The following CTNNA2 variants were observed in gnomAD, a reference collection of about 807,000 sequenced individuals.
CTNNA2 encodes the protein catenin alpha 2.
CTNNA2 carries 42 observed loss-of-function variants against 101.0 expected under a neutral mutation model. The ratio of observed to expected loss-of-function variants is 0.42; its 90% CI spans 0.32 to 0.54. The LOEUF is 0.54. CTNNA2 is among the 20% of genes least tolerant of loss of function. The probability of loss-of-function intolerance (pLI) is 0.14; values close to 1 mark genes in which losing one functional copy is unlikely to be tolerated. For missense variants in CTNNA2, 871 were observed against 1,223.1 expected (o/e 0.71, Z 4.29); for synonymous variants, 450 against 456.4 (o/e 0.99, Z 0.18).
intron 7 of CTNNA2, chr2:80,028,016 A>G (rs1695047747): frequency 6.6e-6 from 1 of 151,754 alleles, no homozygotes; most frequent in African/African-American, 2.4e-5. Flanking sequence ...AAGAAATAAA[A>G]GAAATACAGA....
intron 15 of CTNNA2, among the ~76,000 whole-genome samples, chr2:80,592,400 A>C (rs1696589193): frequency 6.6e-6 from 1 of 152,124 alleles, no homozygotes; most frequent in Non-Finnish European, 1.5e-5. Context: ...ACAAAATAAA[A>C]ATCCTTGTGT....
intron 2 of CTNNA2, among the ~76,000 whole-genome samples, chr2:79,207,039 T>C (rs1674108843): frequency 6.6e-6 from 1 of 152,202 alleles, no homozygotes; most frequent in Non-Finnish European, 1.5e-5. Flanking sequence ...TCTGGCAATG[T>C]GGCAAAGTAC....
intron 7 of CTNNA2, among the ~76,000 whole-genome samples, chr2:80,339,172 A>AACGTGTGTGTGTGTGC (rs1213220198): frequency 6.6e-6 from 1 of 151,766 alleles, no homozygotes; most frequent in Non-Finnish European, 1.5e-5. Flanking sequence ...CTAATAATAT[A>AACGTGTGTGTGTGTGC]ACGTGTGTGT....
chr2:79,316,231 A>G (rs1424241868), intron 3 of CTNNA2, among the ~76,000 whole-genome samples: 1 of 151,990 alleles, frequency 6.6e-6, no homozygotes, highest in Non-Finnish European at 1.5e-5. Flanking sequence ...TTGTATTGAC[A>G]CCTTTGTTAA....
intron 9 of CTNNA2, among the ~76,000 whole-genome samples, chr2:80,513,518 A>T (rs188732279): frequency 2.6e-5 from 4 of 152,340 alleles, no homozygotes. Context: ...TGTGGCCACT[A>T]TATAGCTTTG....
At chr2:80,260,930 G>A (rs749036884) in intron 7 of CTNNA2, among the ~76,000 whole-genome samples, 23 of 152,116 alleles carry the variant, frequency 1.5e-4, no homozygotes, top group Non-Finnish European at 2.6e-4. Context: ...CTGCCAGGCC[G>A]AGTGCAAGTG....
At chr2:79,984,811 A>C (rs955479163) in intron 7 of CTNNA2, among the ~76,000 whole-genome samples, 1 of 152,082 alleles carries the variant, frequency 6.6e-6, no homozygotes, top group Non-Finnish European at 1.5e-5. Context: ...CAGCACTGTG[A>C]CCTATCTAAT....
chr2:79,789,559 A>C (rs962203326), intron 3 of CTNNA2, among the ~76,000 whole-genome samples: 1 of 152,058 alleles, frequency 6.6e-6, no homozygotes, highest in African/African-American at 2.4e-5. Context: ...TCCCTTGGGG[A>C]CTGGGGAGAG....
intron 3 of CTNNA2, among the ~76,000 whole-genome samples, chr2:79,331,575 C>A (rs1159685161): frequency 6.6e-6 from 1 of 152,116 alleles, no homozygotes; most frequent in African/African-American, 2.4e-5. Context: ...TTACACGGAC[C>A]CAGATCCTCA....
intron 7 of CTNNA2, among the ~76,000 whole-genome samples, chr2:80,340,493 A>T (rs1316040790): frequency 6.6e-6 from 1 of 152,126 alleles, no homozygotes; most frequent in Non-Finnish European, 1.5e-5. Context: ...ATAATTTTCT[A>T]CTAGATTGGG....
chr2:80,090,677 G>T (rs762041211), intron 7 of CTNNA2, among the ~76,000 whole-genome samples: 6 of 151,996 alleles, frequency 3.9e-5, no homozygotes, highest in Non-Finnish European at 5.9e-5. Context: ...ATTAGAAAAG[G>T]TGGAAGCCTT....
chr2:80,074,477 G>T (rs1456258748), intron 7 of CTNNA2, among the ~76,000 whole-genome samples: 1 of 152,160 alleles, frequency 6.6e-6, no homozygotes, highest in Non-Finnish European at 1.5e-5. Flanking sequence ...AGAGAAGGTG[G>T]CAGAATGACA....
intron 1 of CTNNA2, 76 bp downstream of exon 1, chr2:79,513,283 T>TC (rs1323458964): frequency 1.8e-5 from 1 of 54,662 alleles, no homozygotes; most frequent in South Asian, 6.3e-4. Context: ...CTCTCCATCC[T>TC]CCCCCCTCCC....
At chr2:79,512,472 C>T (rs954717345), upstream of CTNNA2, among the ~76,000 whole-genome samples, 1 of 152,130 alleles carries the variant, frequency 6.6e-6, no homozygotes, top group African/African-American at 2.4e-5. Flanking sequence ...GCGGCAGTCA[C>T]TACCTTTGCA....
At chr2:80,382,580 G>T (rs1184784489) in intron 7 of CTNNA2, among the ~76,000 whole-genome samples, 1 of 152,200 alleles carries the variant, frequency 6.6e-6, no homozygotes, top group African/African-American at 2.4e-5. Context: ...TCTGTGAACT[G>T]GGAGGGCAGG....
intron 7 of CTNNA2, among the ~76,000 whole-genome samples, chr2:80,074,867 T>C (rs1013645074): frequency 6.6e-6 from 1 of 152,208 alleles, no homozygotes. Flanking sequence ...AGTGACTTTC[T>C]CAAGATCCTG....
intron 7 of CTNNA2, among the ~76,000 whole-genome samples, chr2:80,276,956 A>G (rs1558962370): frequency 6.6e-6 from 1 of 152,138 alleles, no homozygotes; most frequent in Non-Finnish European, 1.5e-5. Flanking sequence ...GACTATTGCT[A>G]CTTTAGACAC....
chr2:79,828,260 A>G (rs2105410322), intron 3 of CTNNA2, among the ~76,000 whole-genome samples: 1 of 152,310 alleles, frequency 6.6e-6, no homozygotes, highest in African/African-American at 2.4e-5. Flanking sequence ...CAACACTTTC[A>G]ACAGATTGCC....
At chr2:79,798,812 CA>C (rs1675923065) in intron 3 of CTNNA2, among the ~76,000 whole-genome samples, 1 of 152,014 alleles carries the variant, frequency 6.6e-6, no homozygotes, top group Non-Finnish European at 1.5e-5. Flanking sequence ...ACTAGAGTAA[CA>C]CAGTTTTATA....
Sources: allele counts gnomAD v4.1 joint callset (sites outside exome capture counted in the v4.1 genomes callset), GRCh38; gene constraint gnomAD v4.1.1; transcripts MANE v1.5; gene names NCBI Gene and HGNC (gene_info 2026-07-23, HGNC 2026-07-21).